Variants in VRK1 observed in about 807,000 individuals in gnomAD.
VRK1 encodes the protein serine/threonine-protein kinase VRK1.
In VRK1, 33 loss-of-function variants were observed where a neutral mutation model predicts 57.1. The observed-to-expected ratio is 0.58, with a 90% CI of 0.44 to 0.77. VRK1 has a LOEUF of 0.77. VRK1 is among the 30% of genes least tolerant of loss of function. VRK1 has a pLI of 0.00. For synonymous variants in VRK1, 137 were observed against 147.8 expected, an observed-to-expected ratio of 0.93 and a Z score of 0.53; for missense variants, 413 against 477.3, an observed-to-expected ratio of 0.87 and a Z score of 1.25.
chr14:96,812,821 T>C (rs955550256), intron 1 of VRK1, among the ~76,000 whole-genome samples: 1 of 152,222 alleles, frequency 6.6e-6, no homozygotes, highest in Non-Finnish European at 1.5e-5. Context: ...ATCTACTGGT[T>C]ATTGGAATAG....
intron 1 of VRK1, among the ~76,000 whole-genome samples, chr14:96,806,192 T>C (rs1885870193): frequency 6.6e-6 from 1 of 152,190 alleles, no homozygotes; most frequent in Admixed American, 6.5e-5. Context: ...AGGGCAGGAT[T>C]CCCAGTCGGG....
chr14:96,822,544 G>A (rs1280061701), intron 1 of VRK1, among the ~76,000 whole-genome samples: 1 of 152,208 alleles, frequency 6.6e-6, no homozygotes, highest in Non-Finnish European at 1.5e-5. Context: ...GGTGACTTGT[G>A]ACAGAGGCAC....
intron 1 of VRK1, among the ~76,000 whole-genome samples, chr14:96,821,258 A>G (rs923139657): frequency 6.6e-6 from 1 of 152,126 alleles, no homozygotes; most frequent in African/African-American, 2.4e-5. Context: ...ATGCCTTTGG[A>G]AAAAAGGAGT....
Position 96,852,852 on chromosome 14 carries a change from T to A in VRK1, c.396T>A (p.Asp132Glu). The A allele has an allele frequency of 6.2e-7, 1 of 1,613,912 alleles. No homozygotes were observed. The highest frequency in any genetic ancestry group is 1.1e-5 in the South Asian group (1 of 91,086). Residue 132 changes from aspartate (D) to glutamate (E), a missense_variant, in exon 6 of 13, where the codon GAT (aspartate) becomes GAA (glutamate). Around this residue, in one of 3 missense-constraint regions of VRK1, gnomAD observed 151 missense variants for 225.5 expected, o/e 0.67. Transcript: ENST00000216639. The part of the protein sequence containing the change: ...NGKSYRFMIM[D>E]RFGSDLQKIY... ...TCAGTTACAGGTTTATGATAATGGA[T>A]CGCTTTGGGAGTGACCTTCAGAAAA...
intron 1 of VRK1, among the ~76,000 whole-genome samples, chr14:96,827,178 A>C: frequency 6.6e-6 from 1 of 151,968 alleles, no homozygotes; most frequent in Admixed American, 6.6e-5. Flanking sequence ...ACGTTTGTAA[A>C]ATTTTGTCAG....
intron 1 of VRK1, among the ~76,000 whole-genome samples, chr14:96,803,027 T>C (rs537040032): frequency 6.6e-6 from 1 of 152,302 alleles, no homozygotes; most frequent in Non-Finnish European, 1.5e-5. Context: ...TTGTCCAGCA[T>C]ATCCACACTG....
rs557936343 is a variant in VRK1 at position 96,844,011 on chromosome 14, A to G, written c.217-2084A>G. On this transcript the variant is annotated intron_variant, in intron 3 of 12. Transcript: ENST00000216639. ...TATGACATAGGTTGAAACTGAATAAATCAGAATTTTATACTGATTTGTCTT... is the reference window on the plus strand; with the variant it reads ...TATGACATAGGTTGAAACTGAATAAGTCAGAATTTTATACTGATTTGTCTT... Among the ~76,000 whole-genome samples, 5 of 152,342 alleles carry G rather than the reference A, an allele frequency of 3.3e-5. No homozygotes were observed. The South Asian group carries it at 1.0e-3, about 32-fold the overall frequency.
chr14:96,823,605 CTG>C (rs915500893), intron 1 of VRK1, among the ~76,000 whole-genome samples: 2 of 152,160 alleles, frequency 1.3e-5, no homozygotes, highest in African/African-American at 2.4e-5. Flanking sequence ...CATCTAGAAA[CTG>C]TTTTCTTTTT....
intron 12 of VRK1, among the ~76,000 whole-genome samples, chr14:96,880,385 C>G (rs1889213270): frequency 6.6e-6 from 1 of 152,122 alleles, no homozygotes; most frequent in African/African-American, 2.4e-5. Context: ...CCTGCTCTTT[C>G]CTGGCAGAGC....
intron 11 of VRK1, among the ~76,000 whole-genome samples, chr14:96,870,598 G>C (rs1355583708): frequency 6.6e-6 from 1 of 152,176 alleles, no homozygotes; most frequent in Non-Finnish European, 1.5e-5. Context: ...AAAGTTTCAT[G>C]ATCTCCTTGT....
At chr14:96,862,108 A>G (rs1327446669) in intron 11 of VRK1, among the ~76,000 whole-genome samples, 1 of 143,226 alleles carries the variant, frequency 7.0e-6, no homozygotes, top group Non-Finnish European at 1.5e-5. Flanking sequence ...CCCCGCCCCT[A>G]CCTTCCTTTG....
chr14:96,799,023 G>A (rs1456446744), intron 1 of VRK1, among the ~76,000 whole-genome samples: 1 of 152,158 alleles, frequency 6.6e-6, no homozygotes, highest in East Asian at 1.9e-4. Flanking sequence ...TGTGTTAGGC[G>A]TTACTGTCAA....
At chr14:96,869,555 A>G (rs1361266700) in intron 11 of VRK1, among the ~76,000 whole-genome samples, 15 of 152,242 alleles carry the variant, frequency 9.9e-5, no homozygotes, top group Admixed American at 9.8e-4. Context: ...GTTAATTACT[A>G]TGAAATAAAG....
rs1190143056 is a variant in VRK1 at position 96,876,034 on chromosome 14, G to A, written c.1073G>A (p.Arg358Gln). ...GLKAKTITKK[R>Q]KKEIEESKEP... The stretch of plus-strand genomic sequence containing the variant: ...CTCTTTAATTTTATATGTAAGAAGC[G>A]AAAGAAAGAAATTGAAGAAAGCAAG... Residue 358 changes from arginine (R) to glutamine (Q), a missense_variant, in exon 12 of 13, where the codon CGA becomes CAA. Arg to Gln is a conservative substitution (Grantham distance 43). Transcript: ENST00000216639. The A allele has an allele frequency of 2.5e-6, 4 of 1,612,860 alleles. No homozygotes were observed. The highest frequency in any genetic ancestry group is 1.7e-5 in the Admixed American group (1 of 59,990).
intron 12 of VRK1, chr14:96,877,528 C>T: frequency 7.8e-7 from 1 of 1,289,494 alleles, no homozygotes; most frequent in South Asian, 1.2e-5. Context: ...AGGAGCAATA[C>T]ATCGAAGCAT....
intron 1 of VRK1, among the ~76,000 whole-genome samples, chr14:96,824,871 T>G (rs529284812): frequency 1.8e-4 from 28 of 152,012 alleles, no homozygotes; most frequent in African/African-American, 6.5e-4. Context: ...GCCAGGATGG[T>G]CTCGATCTCC....
At chr14:96,819,130 G>A (rs1886501311) in intron 1 of VRK1, among the ~76,000 whole-genome samples, 1 of 152,196 alleles carries the variant, frequency 6.6e-6, no homozygotes, top group Non-Finnish European at 1.5e-5. Context: ...TAGTTTGGCA[G>A]GAGGCCAGTT....
At chr14:96,865,383 T>G (rs1303598594) in intron 11 of VRK1, among the ~76,000 whole-genome samples, 1 of 152,204 alleles carries the variant, frequency 6.6e-6, no homozygotes. Context: ...TCTGTACCAT[T>G]GGCCCGCTTG....
At chr14:96,878,675 G>A (rs28540414) in intron 12 of VRK1, among the ~76,000 whole-genome samples, 1 of 152,048 alleles carries the variant, frequency 6.6e-6, no homozygotes, top group Non-Finnish European at 1.5e-5. Flanking sequence ...TATTGTGTAG[G>A]TTTTCTCAAA....
Sources: allele counts gnomAD v4.1 joint callset (sites outside exome capture counted in the v4.1 genomes callset), GRCh38; gene constraint gnomAD v4.1.1; regional missense constraint gnomAD v4.1.1; transcripts MANE v1.5; gene names NCBI Gene and HGNC (gene_info 2026-07-23, HGNC 2026-07-21).